Variants in CLEC20A observed in about 807,000 individuals in gnomAD.
CLEC20A encodes C-type lectin domain containing 20A.
intron 5 of CLEC20A, 142 bp downstream of exon 5, chr1:178,488,359 C>T (rs1314429146): frequency 5.1e-6 from 2 of 395,144 alleles, no homozygotes; most frequent in African/African-American, 2.1e-5. Flanking sequence ...GTAAGTGGCC[C>T]TTGACTGCCA....
At chr1:178,496,959 G>T (rs750935572), upstream of CLEC20A, 195 of 400,090 alleles carry the variant, frequency 4.9e-4, no homozygotes, top group Middle Eastern at 3.7e-3. Context: ...CTGGCTGGGC[G>T]ATGGCTGGGT....
upstream of CLEC20A, among the ~76,000 whole-genome samples, chr1:178,498,577 G>A (rs541727113): frequency 3.2e-4 from 48 of 152,190 alleles, no homozygotes; most frequent in African/African-American, 1.0e-3. Flanking sequence ...GAGACAGGGC[G>A]AGACCCTGTC....
chr1:178,497,054 C>A, upstream of CLEC20A: 1 of 398,954 alleles, frequency 2.5e-6, no homozygotes. Context: ...TCATTCCTTG[C>A]TGTTTCCTCT....
At chr1:178,497,215 A>G (rs1041342110), upstream of CLEC20A, 2 of 367,854 alleles carry the variant, frequency 5.4e-6, no homozygotes, top group Non-Finnish European at 9.6e-6. Flanking sequence ...GTGTCCCAAA[A>G]TGAAGGCCCC....
chr1:178,496,721 G>A (rs943933904), intron 1 of CLEC20A, 179 bp downstream of exon 1: 101 of 397,416 alleles, frequency 2.5e-4, no homozygotes, highest in African/African-American at 1.7e-3. Flanking sequence ...GGTTAGGGGC[G>A]ATGAGGGCGA....
upstream of CLEC20A, among the ~76,000 whole-genome samples, chr1:178,498,283 C>G (rs1649447289): frequency 6.6e-6 from 1 of 152,166 alleles, no homozygotes; most frequent in Admixed American, 6.5e-5. Context: ...AGTCTAGGCT[C>G]TGACTCCAAA....
At chr1:178,483,264 C>T (rs1649037644) in exon 6 of CLEC20A, 1 of 398,442 alleles carries the variant, frequency 2.5e-6, no homozygotes, top group South Asian at 1.3e-4. Context: ...ATCAGTGCCA[C>T]TCCCTACACT....
intron 4 of CLEC20A, among the ~76,000 whole-genome samples, chr1:178,488,919 C>T (rs1215392952): frequency 1.3e-5 from 2 of 151,668 alleles, no homozygotes; most frequent in African/African-American, 2.4e-5. Context: ...TTGTGGTTGC[C>T]GGTGGGGCGG....
At chr1:178,482,092 AC>A (rs61546169) in intron 7 of CLEC20A, 9,483 of 362,296 alleles carry the variant, frequency 0.026, 722 homozygotes, top group African/African-American at 0.21. Context: ...CAAAAAAACA[AC>A]AAAAAAAAAA....
chr1:178,486,253 G>A (rs1375391673), intron 5 of CLEC20A, among the ~76,000 whole-genome samples: 2 of 152,202 alleles, frequency 1.3e-5, no homozygotes, highest in Non-Finnish European at 2.9e-5. Context: ...TGCAGCCGGA[G>A]TGGGGAGACT....
At chr1:178,490,573 AAAC>A in intron 3 of CLEC20A, 136 bp from the exon 4 acceptor site, 1 of 397,206 alleles carries the variant, frequency 2.5e-6, no homozygotes, top group East Asian at 3.6e-5. Context: ...GATTTGATCA[AAAC>A]AACAGTTTTA....
At position 178,490,359 on chromosome 1, in the gene CLEC20A, C is replaced by CGGCA. The variant is rs946773281; in HGVS notation, c.538_541dup (p.Arg181LeufsTer17). 6.8e-5 allele frequency: 27 copies of CGGCA among 398,530 alleles called. No individual in the cohort carries two copies. Among genetic ancestry groups the CGGCA allele is most frequent in the African/African-American group, 5.3e-4 (26 of 48,604 alleles). The allele number at this position is 398,530 out of a possible 1,614,324, so 24.7% of individuals were successfully genotyped here. ...GTCGGCCAGATCCGTGTGGTGGCTG[C>CGGCA]GGCAGTACAGCAGGGCCGAGGACCA... On this transcript the variant is annotated frameshift_variant, in exon 4 of 8. Transcript: ENST00000623247. LOFTEE classifies it high-confidence loss of function.
At chr1:178,479,763 T>A (rs1648899747) in intron 7 of CLEC20A, 148 bp from the exon 8 acceptor site, 1 of 390,826 alleles carries the variant, frequency 2.6e-6, no homozygotes, top group Non-Finnish European at 4.5e-6. Flanking sequence ...ACTTTTTTTA[T>A]TAGCATTTTA....
rs5778987 is a variant in CLEC20A at position 178,480,000 on chromosome 1, C to CT, written c.1123-386dup. 7.8e-3 allele frequency: 909 copies of CT among 115,910 alleles called. 2 individuals are homozygous for CT. The highest frequency in any genetic ancestry group is 0.014 in the Middle Eastern group (3 of 214). 7.2% of individuals were successfully genotyped at this position (115,910 alleles called of 1,614,324 possible). A position where few individuals can be genotyped will look rare whatever the true frequency, so the allele number is the denominator to read the frequency against. Reference sequence around the variant, plus strand: ...TCTCTAAGGATTGGGCCTGGCCAGGCTTTTTTTTTTTTTTTTTTCTTTTTA... The same window carrying CT: ...TCTCTAAGGATTGGGCCTGGCCAGGCTTTTTTTTTTTTTTTTTTTCTTTTTA... On this transcript the variant is annotated intron_variant, in intron 7 of 7. Transcript: ENST00000623247.
intron 5 of CLEC20A, among the ~76,000 whole-genome samples, chr1:178,487,521 T>A (rs1289749592): frequency 6.6e-6 from 1 of 152,162 alleles, no homozygotes; most frequent in Non-Finnish European, 1.5e-5. Context: ...AGCTAAATCC[T>A]TCTCATCCTT....
At chr1:178,486,268 C>T (rs1176057342) in intron 5 of CLEC20A, among the ~76,000 whole-genome samples, 1 of 152,178 alleles carries the variant, frequency 6.6e-6, no homozygotes, top group African/African-American at 2.4e-5. Flanking sequence ...GAGACTGTGG[C>T]CCAGCACACA....
At chr1:178,479,490 C>T in exon 8 of CLEC20A, 1 of 398,054 alleles carries the variant, frequency 2.5e-6, no homozygotes, top group Non-Finnish European at 4.4e-6. Flanking sequence ...ACTCAAAATC[C>T]AGAGAAGATT....
At chr1:178,496,504 G>C (rs1453174424) in intron 1 of CLEC20A, 4 of 189,902 alleles carry the variant, frequency 2.1e-5, no homozygotes, top group African/African-American at 9.3e-5. Flanking sequence ...CTTTCTCCGA[G>C]AACCCTTGCC....
chr1:178,499,282 A>G (rs1261517351), upstream of CLEC20A, among the ~76,000 whole-genome samples: 4 of 152,230 alleles, frequency 2.6e-5, no homozygotes, highest in Non-Finnish European at 4.4e-5. Flanking sequence ...GGCAAGCATT[A>G]TGTTTATCAT....
Sources: gnomAD v4.1 joint callset for allele counts (sites outside exome capture counted in the v4.1 genomes callset) on GRCh38, gnomAD v4.1.1 for gene constraint, MANE v1.5 for transcripts, NCBI Gene and HGNC (gene_info 2026-07-23, HGNC 2026-07-21) for gene names.